The following TJP1 variants were observed in gnomAD, a reference collection of about 807,000 sequenced individuals.
The protein encoded by TJP1 is tight junction protein ZO-1.
In TJP1, 43 loss-of-function variants were observed where a neutral mutation model predicts 194.2. The observed-to-expected ratio is 0.22, with a 90% CI of 0.17 to 0.29. The LOEUF is 0.29. Ranked by LOEUF, TJP1 falls within the 10% of genes least tolerant of loss-of-function variation. The probability of loss-of-function intolerance (pLI) is 1.00; values close to 1 mark genes in which losing one functional copy is unlikely to be tolerated. For missense variants in TJP1, 1,971 were observed against 2,185.7 expected, an observed-to-expected ratio of 0.90 and a Z score of 1.96; for synonymous variants, 801 against 779.0, an observed-to-expected ratio of 1.03 and a Z score of -0.47.
chr15:29,708,915 G>A lies in TJP1; in HGVS notation c.4494C>T (p.Phe1498=), dbSNP rs2042072782. The A allele has an allele frequency of 6.2e-7, 1 of 1,614,174 alleles. No individual in the cohort carries two copies. Among genetic ancestry groups the A allele is most frequent in the Non-Finnish European group, 8.5e-7 (1 of 1,180,038 alleles). Residue 1498 remains phenylalanine, a synonymous_variant, in exon 25 of 28, where the codon TTC becomes TTT. Coordinates refer to ENST00000614355, the MANE Select transcript of TJP1 (RefSeq NM_001330239.4). ...PNREDTAQAA[F]YPQKSFPDKA... is the part of the protein sequence containing the mutation. ...TATCTGGAAAACTTTTCTGGGGATA[G>A]AAAGCTGCCTGAGCAGTATCTTCTC... is the stretch of plus-strand genomic sequence containing the variant.
chr15:29,899,798 A>C (rs1320724991), intron 2 of TJP1, among the ~76,000 whole-genome samples: 1 of 152,170 alleles, frequency 6.6e-6, no homozygotes, highest in Non-Finnish European at 1.5e-5. Flanking sequence ...ACTCACCCAC[A>C]CACTAACACA....
At chr15:29,825,352 T>C, upstream of TJP1, among the ~76,000 whole-genome samples, 1 of 152,218 alleles carries the variant, frequency 6.6e-6, no homozygotes, top group East Asian at 1.9e-4. Flanking sequence ...GTTACTATAA[T>C]GTTTAACCAC....
rs545459520 is a variant in TJP1 at position 29,884,315 on chromosome 15, G to C, written c.306+71917C>G. 3.5e-3 allele frequency among the ~76,000 whole-genome samples: 537 copies of C among 152,258 alleles called. 4 individuals are homozygous for C. Among genetic ancestry groups the C allele is most frequent in the Non-Finnish European group, 4.9e-3 (330 of 68,020 alleles). ...GACCATCTGTATCAGGACCATCTTG[G>C]GGGTATATTGAATGTGCAGGCTGTC... On this transcript the variant is annotated intron_variant, in intron 2 of 28. Transcript: ENST00000356107.
chr15:29,732,616 T>C lies in TJP1; in HGVS notation c.1921+15A>G, dbSNP rs557158815. 3.0e-5 allele frequency: 48 copies of C among 1,613,658 alleles called. No individual in the cohort carries two copies. Among genetic ancestry groups the C allele is most frequent in the Non-Finnish European group, 4.1e-5 (48 of 1,179,840 alleles). ...CGTTAAAGGGTATTAGGTTAGTCTG[T>C]AGAAAATAAACTACCTTCTCGAAGA... On this transcript the variant is annotated intron_variant, in intron 14 of 27. Transcript: ENST00000614355.
intron 3 of TJP1, among the ~76,000 whole-genome samples, chr15:29,772,403 T>A (rs2046749099): frequency 6.6e-6 from 1 of 152,210 alleles, no homozygotes; most frequent in South Asian, 2.1e-4. Context: ...AACAAAGTAT[T>A]TCCCCAAAAG....
At chr15:29,721,857 C>T (rs1298292685) in intron 18 of TJP1, among the ~76,000 whole-genome samples, 1 of 152,238 alleles carries the variant, frequency 6.6e-6, no homozygotes, top group East Asian at 1.9e-4. Context: ...TATGCTTTAG[C>T]AAAGACACTG....
At chr15:29,941,931 C>A (rs1251747531) in intron 2 of TJP1, among the ~76,000 whole-genome samples, 1 of 152,020 alleles carries the variant, frequency 6.6e-6, no homozygotes, top group African/African-American at 2.4e-5. Flanking sequence ...CATGAAGAGG[C>A]CGTGAGGAGG....
chr15:29,845,073 A>G (rs918460683), intron 2 of TJP1, among the ~76,000 whole-genome samples: 2 of 152,204 alleles, frequency 1.3e-5, no homozygotes, highest in African/African-American at 4.8e-5. Flanking sequence ...GGCTAAGAAG[A>G]TGATAACAGA....
intron 2 of TJP1, among the ~76,000 whole-genome samples, chr15:29,917,549 C>CT (rs2054226663): frequency 6.6e-6 from 1 of 152,146 alleles, no homozygotes; most frequent in Non-Finnish European, 1.5e-5. Context: ...ATAGCAGAGG[C>CT]TACAGAGGGG....
At chr15:29,867,665 T>C (rs1175158178) in intron 2 of TJP1, among the ~76,000 whole-genome samples, 1 of 152,158 alleles carries the variant, frequency 6.6e-6, no homozygotes, top group Non-Finnish European at 1.5e-5. Flanking sequence ...CCCAGCACTC[T>C]GGGAGGCTTT....
intron 2 of TJP1, among the ~76,000 whole-genome samples, chr15:29,779,564 C>T (rs988724775): frequency 6.6e-5 from 10 of 152,196 alleles, no homozygotes; most frequent in African/African-American, 2.4e-4. Flanking sequence ...TCGTATACAT[C>T]TTTCAACTCA....
chr15:29,783,439 A>G (rs1424788272), intron 2 of TJP1, among the ~76,000 whole-genome samples: 1 of 152,214 alleles, frequency 6.6e-6, no homozygotes, highest in Non-Finnish European at 1.5e-5. Flanking sequence ...GCTAAAAAGA[A>G]AACTACCATT....
At chr15:29,889,105 C>T (rs995781197) in intron 2 of TJP1, among the ~76,000 whole-genome samples, 2 of 152,202 alleles carry the variant, frequency 1.3e-5, no homozygotes, top group Admixed American at 6.5e-5. Context: ...CAACCCACAG[C>T]ATGTGTGCAT....
chr15:29,969,019 C>G (rs2056429701), upstream of TJP1, among the ~76,000 whole-genome samples: 1 of 146,626 alleles, frequency 6.8e-6, no homozygotes, highest in South Asian at 2.1e-4. Context: ...GCCGCCGCCC[C>G]TTCCACCCCT....
intron 2 of TJP1, among the ~76,000 whole-genome samples, chr15:29,922,327 T>G (rs769240743): frequency 1.3e-5 from 2 of 152,108 alleles, no homozygotes; most frequent in Non-Finnish European, 2.9e-5. Flanking sequence ...TACAGAAAAT[T>G]TTTAATCTGT....
In TJP1 at chr15:29,701,609, T is replaced by C. The variant is rs2041544412; in HGVS notation, c.5293A>G (p.Ile1765Val). The change falls in exon 28 of 28, where the codon ATT becomes GTT. Residue 1765 changes from isoleucine (I) to valine (V), a missense_variant. Physicochemically the swap from Ile to Val is conservative, Grantham distance 29 (BLOSUM62 3). Around this residue, in one of 5 missense-constraint regions of TJP1, gnomAD observed 1,108 missense variants for 1,128.5 expected, o/e 0.98. Coordinates refer to ENST00000614355, the MANE Select transcript of TJP1 (RefSeq NM_001330239.4). ...LVGANCVSVL[I>V]DHF The stretch of plus-strand genomic sequence containing the variant: ...TATTTCAAGAGTTAAAAGTGGTCAA[T>C]AAGGACAGAAACACAGTTTGCTCCA... 6.2e-7 allele frequency: 1 copy of C among 1,613,806 alleles called. No homozygotes were observed. Among genetic ancestry groups the C allele is most frequent in the Non-Finnish European group, 8.5e-7 (1 of 1,179,854 alleles).
At chr15:29,800,788 C>T (rs2048732712) in intron 1 of TJP1, 86 bp from the exon 2 acceptor site, 5 of 1,271,008 alleles carry the variant, frequency 3.9e-6, no homozygotes, top group Non-Finnish European at 5.6e-6. Flanking sequence ...CAATTCAGCA[C>T]ACTGAAATAC....
At chr15:29,847,758 C>T (rs2152076687) in intron 2 of TJP1, among the ~76,000 whole-genome samples, 1 of 152,172 alleles carries the variant, frequency 6.6e-6, no homozygotes, top group Admixed American at 6.5e-5. Flanking sequence ...GCACTCCAGC[C>T]TGGGTGACAG....
At chr15:29,955,958 T>C (rs2055925630) in intron 2 of TJP1, among the ~76,000 whole-genome samples, 1 of 152,072 alleles carries the variant, frequency 6.6e-6, no homozygotes, top group African/African-American at 2.4e-5. Context: ...ATTAATACTC[T>C]ATCGAACTTA....
Sources: gnomAD v4.1 joint callset for allele counts (sites outside exome capture counted in the v4.1 genomes callset) on GRCh38, gnomAD v4.1.1 for gene constraint, gnomAD v4.1.1 regional missense constraint, MANE v1.5 for transcripts, NCBI Gene and HGNC (gene_info 2026-07-23, HGNC 2026-07-21) for gene names.